The following DGKB variants were observed in gnomAD, a reference collection of about 807,000 sequenced individuals.
The protein encoded by DGKB is diacylglycerol kinase beta.
Under a neutral mutation model 114.3 loss-of-function variants are expected in DGKB, and 67 were observed. That is an observed-to-expected ratio of 0.59 (90% CI 0.48 to 0.72). DGKB has a LOEUF of 0.72. Ranked by LOEUF, DGKB falls within the 30% of genes least tolerant of loss-of-function variation. The pLI is 0.00. For synonymous variants in DGKB, 398 were observed against 323.1 expected (o/e 1.23, Z -2.49); for missense variants, 907 against 975.2 (o/e 0.93, Z 0.93).
intron 1 of DGKB, among the ~76,000 whole-genome samples, chr7:14,875,298 T>A (rs1480742085): frequency 6.6e-6 from 1 of 152,196 alleles, no homozygotes; most frequent in Non-Finnish European, 1.5e-5. Context: ...CCTCGTTGAC[T>A]GCCGAATGCT....
chr7:14,616,248 T>C (rs976349128), intron 15 of DGKB, among the ~76,000 whole-genome samples: 2 of 148,696 alleles, frequency 1.3e-5, no homozygotes, highest in African/African-American at 2.5e-5. Context: ...ATACACACAA[T>C]ACAACCATCA....
chr7:14,648,880 G>A (rs1341601787), intron 13 of DGKB, among the ~76,000 whole-genome samples: 16 of 133,836 alleles, frequency 1.2e-4, no homozygotes, highest in Non-Finnish European at 1.3e-4. Context: ...CGATCAACTG[G>A]AAGAAAGGGT....
chr7:14,658,138 G>C (rs897658029), intron 13 of DGKB, among the ~76,000 whole-genome samples: 1 of 151,862 alleles, frequency 6.6e-6, no homozygotes, highest in Non-Finnish European at 1.5e-5. Context: ...TATGACATAT[G>C]GTTTTCTGAG....
chr7:14,892,273 A>C (rs574095216), intron 1 of DGKB, among the ~76,000 whole-genome samples: 2 of 151,414 alleles, frequency 1.3e-5, no homozygotes, highest in East Asian at 3.9e-4. Flanking sequence ...CGTGGAAAGA[A>C]GTAGAATGTC....
intron 1 of DGKB, among the ~76,000 whole-genome samples, chr7:14,966,925 G>C (rs780766883): frequency 2.6e-5 from 4 of 151,940 alleles, no homozygotes; most frequent in African/African-American, 4.8e-5. Context: ...AATATCTAAA[G>C]CTCTTTCAAA....
intron 9 of DGKB, among the ~76,000 whole-genome samples, chr7:14,687,887 A>C (rs1200010250): frequency 6.6e-6 from 1 of 152,214 alleles, no homozygotes; most frequent in Non-Finnish European, 1.5e-5. Context: ...GTCAATCAGA[A>C]CACTTAGCCG....
intron 23 of DGKB, among the ~76,000 whole-genome samples, chr7:14,197,499 A>C (rs974545651): frequency 3.3e-5 from 5 of 152,118 alleles, no homozygotes; most frequent in Non-Finnish European, 7.4e-5. Flanking sequence ...CTTGTTGGCT[A>C]AAGGCCAGAG....
intron 21 of DGKB, among the ~76,000 whole-genome samples, chr7:14,404,024 A>T (rs553382322): frequency 3.3e-5 from 5 of 152,002 alleles, no homozygotes; most frequent in African/African-American, 1.2e-4. Context: ...TGAGGAAAGT[A>T]GTCTTCAAAA....
In DGKB at chr7:14,892,023, T is replaced by C. The variant is rs564786299; in HGVS notation, c.-188+10569A>G. Among the ~76,000 whole-genome samples the C allele has an allele frequency of 7.9e-5, 12 of 151,482 alleles. No homozygotes were observed. In the South Asian group the frequency reaches 2.3e-3, roughly 29 times the overall value. On this transcript the variant is annotated intron_variant, in intron 1 of 25. Transcript: ENST00000402815. ...ACAGAAAAAGGAAGGAAAAGAGTAA[T>C]ACAGGAAAATAAAGATTTGTGCAAT...
intron 12 of DGKB, among the ~76,000 whole-genome samples, chr7:14,682,119 C>G (rs1172515550): frequency 6.6e-6 from 1 of 151,992 alleles, no homozygotes; most frequent in African/African-American, 2.4e-5. Context: ...TTTTTCTAAC[C>G]CTTTTAAGCC....
chr7:14,965,540 C>T (rs1787098824), intron 1 of DGKB, among the ~76,000 whole-genome samples: 2 of 151,894 alleles, frequency 1.3e-5, no homozygotes, highest in African/African-American at 4.8e-5. Flanking sequence ...TTAAACAAAA[C>T]AAATAAAACA....
intron 23 of DGKB, among the ~76,000 whole-genome samples, chr7:14,220,257 T>A (rs376873810): frequency 6.6e-6 from 1 of 151,782 alleles, no homozygotes; most frequent in Non-Finnish European, 1.5e-5. Context: ...CCATTATATA[T>A]GCAGTCCATC....
At chr7:14,265,608 C>T (rs1459385192) in intron 23 of DGKB, among the ~76,000 whole-genome samples, 1 of 152,030 alleles carries the variant, frequency 6.6e-6, no homozygotes, top group South Asian at 2.1e-4. Context: ...CATAGTATCT[C>T]ATCCTTGCTC....
At chr7:14,783,886 T>G (rs1338601691) in intron 2 of DGKB, among the ~76,000 whole-genome samples, 3 of 152,148 alleles carry the variant, frequency 2.0e-5, no homozygotes, top group Admixed American at 6.6e-5. Flanking sequence ...TATAGAGTAT[T>G]TCACACACAT....
At chr7:14,178,459 T>G (rs1030479631) in intron 23 of DGKB, among the ~76,000 whole-genome samples, 13 of 149,416 alleles carry the variant, frequency 8.7e-5, no homozygotes, top group South Asian at 2.1e-4. Flanking sequence ...ACAAACTTAA[T>G]GTTATTCCAC....
intron 21 of DGKB, among the ~76,000 whole-genome samples, chr7:14,428,849 G>A (rs2128782672): frequency 6.6e-6 from 1 of 152,152 alleles, no homozygotes; most frequent in African/African-American, 2.4e-5. Context: ...TCAGATGCTA[G>A]GAAAACAGGC....
At chr7:14,776,842 T>G (rs561634644) in intron 2 of DGKB, among the ~76,000 whole-genome samples, 2 of 152,224 alleles carry the variant, frequency 1.3e-5, no homozygotes, top group African/African-American at 4.8e-5. Context: ...TGTGCCACCA[T>G]CCTCCAGACC....
intron 17 of DGKB, among the ~76,000 whole-genome samples, chr7:14,604,820 C>T (rs1804189528): frequency 6.6e-6 from 1 of 152,092 alleles, no homozygotes; most frequent in Non-Finnish European, 1.5e-5. Flanking sequence ...AGTCCCCGTT[C>T]TGAGCAACTA....
At chr7:14,384,348 T>G (rs1315477163) in intron 21 of DGKB, among the ~76,000 whole-genome samples, 1 of 152,202 alleles carries the variant, frequency 6.6e-6, no homozygotes, top group African/African-American at 2.4e-5. Flanking sequence ...GACTTCCTTT[T>G]TTGTAAATAA....
Sources: allele counts gnomAD v4.1 joint callset (sites outside exome capture counted in the v4.1 genomes callset), GRCh38; gene constraint gnomAD v4.1.1; transcripts MANE v1.5; gene names NCBI Gene and HGNC (gene_info 2026-07-23, HGNC 2026-07-21).